Variants in AKR1C3 observed in about 807,000 individuals in gnomAD.
AKR1C3 encodes 3-alpha hydroxysteroid dehydrogenase, type II.
Under a neutral mutation model 43.6 loss-of-function variants are expected in AKR1C3, and 48 were observed. The observed-to-expected ratio is 1.10, with a 90% confidence interval of 0.87 to 1.40. AKR1C3 has a LOEUF of 1.40. AKR1C3 is among the 40% of genes most tolerant of loss of function. The pLI is 0.00. For missense variants in AKR1C3, 482 were observed against 391.2 expected, an observed-to-expected ratio of 1.23 and a Z score of -1.96; for synonymous variants, 162 against 139.6, an observed-to-expected ratio of 1.16 and a Z score of -1.13.
chr10:5,065,264 C>A (rs1439299980), intron 1 of AKR1C3, among the ~76,000 whole-genome samples: 1 of 152,134 alleles, frequency 6.6e-6, no homozygotes, highest in Non-Finnish European at 1.5e-5. Flanking sequence ...GCATATAGCT[C>A]AAAGAATATA....
At chr10:5,095,750 C>T (rs201301685) in intron 1 of AKR1C3, among the ~76,000 whole-genome samples, 3 of 148,808 alleles carry the variant, frequency 2.0e-5, no homozygotes, top group Admixed American at 6.7e-5. Context: ...AAATTCTTAA[C>T]AGATTTCAGT....
intron 7 of AKR1C3, among the ~76,000 whole-genome samples, chr10:5,102,935 GTTTGGT>G (rs1268431242): frequency 2.8e-5 from 4 of 144,286 alleles, no homozygotes; most frequent in African/African-American, 1.0e-4. Flanking sequence ...CATGTTGTTT[GTTTGGT>G]TTTGGTTTTT....
At chr10:5,094,657 C>A in intron 1 of AKR1C3, 129 bp downstream of exon 1, 1 of 999,110 alleles carries the variant, frequency 1.0e-6, no homozygotes. Flanking sequence ...GTTTCCTAGG[C>A]TAGGAGAAAA....
chr10:5,100,282 G>C (rs575018609), intron 5 of AKR1C3, among the ~76,000 whole-genome samples: 10 of 152,218 alleles, frequency 6.6e-5, no homozygotes, highest in African/African-American at 2.4e-4. Context: ...CAACAAGAGT[G>C]AAACTCCGTC....
chr10:5,063,764 GCAAAAAA>G (rs1370789201), intron 1 of AKR1C3, among the ~76,000 whole-genome samples: 15 of 33,434 alleles, frequency 4.5e-4, no homozygotes, highest in East Asian at 2.1e-3. Context: ...CTCTGTCTCA[GCAAAAAA>G]AAAAAAAAAA....
intron 1 of AKR1C3, among the ~76,000 whole-genome samples, chr10:5,087,003 T>C (rs1364558551): frequency 6.6e-6 from 1 of 152,202 alleles, no homozygotes; most frequent in Admixed American, 6.5e-5. Context: ...AGCACACTGA[T>C]GGGTCTTGAC....
intron 8 of AKR1C3, among the ~76,000 whole-genome samples, chr10:5,106,473 G>A (rs958131106): frequency 2.2e-4 from 33 of 152,156 alleles, no homozygotes; most frequent in East Asian, 7.7e-4. Flanking sequence ...AGTTATGGCC[G>A]GGCGCAGTGG....
At chr10:5,055,985 T>C (rs1254255948) in intron 1 of AKR1C3, among the ~76,000 whole-genome samples, 1 of 152,184 alleles carries the variant, frequency 6.6e-6, no homozygotes, top group East Asian at 1.9e-4. Context: ...CTGGCTAAGA[T>C]TAGGCCTAGA....
intron 1 of AKR1C3, among the ~76,000 whole-genome samples, chr10:5,073,422 C>T (rs903623236): frequency 1.3e-5 from 2 of 152,058 alleles, no homozygotes; most frequent in Admixed American, 6.5e-5. Flanking sequence ...ATTGGAGATC[C>T]CCATAGGCCC....
upstream of AKR1C3, among the ~76,000 whole-genome samples, chr10:5,092,039 TA>T (rs1210930916): frequency 7.4e-5 from 11 of 147,968 alleles, no homozygotes; most frequent in Admixed American, 2.1e-4. Context: ...ACTTTCTAAT[TA>T]AAAAAAAATT....
intron 1 of AKR1C3, among the ~76,000 whole-genome samples, chr10:5,083,216 T>A (rs1554782584): frequency 6.6e-6 from 1 of 152,126 alleles, no homozygotes; most frequent in East Asian, 1.9e-4. Flanking sequence ...CCTAATGCTA[T>A]CCCTCCCGAC....
At chr10:5,051,062 T>G (rs1838143130) in intron 1 of AKR1C3, among the ~76,000 whole-genome samples, 1 of 151,974 alleles carries the variant, frequency 6.6e-6, no homozygotes, top group African/African-American at 2.4e-5. Context: ...TACAGGAATG[T>G]TTTTGAAGAT....
upstream of AKR1C3, among the ~76,000 whole-genome samples, chr10:5,093,240 A>G (rs945259660): frequency 1.3e-5 from 2 of 152,054 alleles, no homozygotes; most frequent in Non-Finnish European, 2.9e-5. Flanking sequence ...ATTTTAGTCA[A>G]TTTCAGATCA....
intron 1 of AKR1C3, among the ~76,000 whole-genome samples, chr10:5,065,960 ACT>A (rs1353884088): frequency 1.3e-5 from 2 of 151,912 alleles, no homozygotes; most frequent in African/African-American, 4.8e-5. Flanking sequence ...CAGAACTCTC[ACT>A]CTGCTCTCTC....
At chr10:5,068,803 A>T (rs191307313) in intron 1 of AKR1C3, among the ~76,000 whole-genome samples, 1 of 152,338 alleles carries the variant, frequency 6.6e-6, no homozygotes, top group East Asian at 1.9e-4. Flanking sequence ...CTTTCATCTC[A>T]GAAGCCCCCA....
At chr10:5,097,962 G>T in intron 3 of AKR1C3, 3 of 1,047,802 alleles carry the variant, frequency 2.9e-6, no homozygotes, top group Non-Finnish European at 3.4e-6. Flanking sequence ...AAGCAGATTT[G>T]GTGGAAGCCA....
chr10:5,100,872 T>C (rs1388029130), intron 5 of AKR1C3, among the ~76,000 whole-genome samples: 8 of 152,202 alleles, frequency 5.3e-5, no homozygotes, highest in East Asian at 1.9e-4. Context: ...CTTTGCCACA[T>C]TGCCAAATAT....
chr10:5,068,585 A>T (rs1554781026), intron 1 of AKR1C3, among the ~76,000 whole-genome samples: 1 of 152,098 alleles, frequency 6.6e-6, no homozygotes, highest in African/African-American at 2.4e-5. Context: ...TCTTAATTAC[A>T]TGTTAATGGT....
chr10:5,102,614 G>C lies in AKR1C3; in HGVS notation c.810G>C (p.Lys270Asn). Residue 270 changes from lysine to asparagine, a missense_variant, in exon 7 of 9, where the codon AAG (lysine) becomes AAC (asparagine). By Grantham distance (94) the Lys-to-Asn change is moderately conservative. Coordinates refer to ENST00000380554, the MANE Select transcript of AKR1C3 (RefSeq NM_003739.6). ...QLQRGVVVLAKSYNEQRIRQN... is the reference protein window; with the variant it reads ...QLQRGVVVLANSYNEQRIRQN... Reference sequence around the variant, plus strand: ...AGCGTGGGGTTGTGGTCCTGGCCAAGAGCTACAATGAGCAGCGCATCAGAC... The same window carrying C: ...AGCGTGGGGTTGTGGTCCTGGCCAACAGCTACAATGAGCAGCGCATCAGAC... 1 of 1,506,052 alleles carries C rather than the reference G, an allele frequency of 6.6e-7. No individual in the cohort carries two copies. Among genetic ancestry groups the C allele is most frequent in the Non-Finnish European group, 8.9e-7 (1 of 1,126,336 alleles). The allele number at this position is 1,506,052 out of a possible 1,614,324, so 93.3% of individuals were successfully genotyped here. A position where few individuals can be genotyped will look rare whatever the true frequency, so the allele number is the denominator to read the frequency against.
Sources: allele counts gnomAD v4.1 joint callset (sites outside exome capture counted in the v4.1 genomes callset), GRCh38; gene constraint gnomAD v4.1.1; transcripts MANE v1.5; gene names NCBI Gene and HGNC (gene_info 2026-07-23, HGNC 2026-07-21).